SLIT3: variants seen among roughly 807,000 people sequenced by gnomAD.
The protein encoded by SLIT3 is slit guidance ligand 3.
In SLIT3, 68 loss-of-function variants were observed where a neutral mutation model predicts 184.0. That is an observed-to-expected ratio of 0.37 (90% CI 0.30 to 0.45). SLIT3 has a LOEUF of 0.45. SLIT3 is among the 20% of genes least tolerant of loss of function. SLIT3 has a pLI of 1.00. For synonymous variants in SLIT3, 831 were observed against 828.6 expected, an observed-to-expected ratio of 1.00 and a Z score of -0.05; for missense variants, 1,707 against 2,026.0, an observed-to-expected ratio of 0.84 and a Z score of 3.02.
chr5:169,009,079 C>G (rs977386955), intron 4 of SLIT3, among the ~76,000 whole-genome samples: 1 of 143,194 alleles, frequency 7.0e-6, no homozygotes, highest in African/African-American at 2.7e-5. Flanking sequence ...CAATATGAGC[C>G]AAAATTACAA....
rs200002167 is a variant in SLIT3, at chr5:169,224,961, G to A, written c.341+19744C>T. Among the ~76,000 whole-genome samples the A allele has an allele frequency of 9.2e-5, 14 of 152,284 alleles. No homozygotes were observed. In the East Asian group the frequency reaches 9.7e-4, roughly 11 times the overall value. On this transcript the variant is annotated intron_variant, in intron 3 of 35. Transcript: ENST00000519560. ...GGCCTCCCGAAGTGCTGGGATTGCA[G>A]GAATGAGCCCCCACGTTTGGCCCAT...
chr5:169,084,465 T>G (rs1581391951), intron 4 of SLIT3, among the ~76,000 whole-genome samples: 1 of 148,738 alleles, frequency 6.7e-6, no homozygotes, highest in Admixed American at 6.7e-5. Flanking sequence ...TTTTTTTTTT[T>G]TTTTTTTTTT....
intron 4 of SLIT3, among the ~76,000 whole-genome samples, chr5:168,903,888 A>C (rs1473611872): frequency 6.6e-6 from 1 of 152,234 alleles, no homozygotes. Flanking sequence ...TGATGTACAG[A>C]AATCATCACA....
chr5:168,844,528 C>T, intron 6 of SLIT3, 56 bp downstream of exon 6: 1 of 1,499,496 alleles, frequency 6.7e-7, no homozygotes, highest in Non-Finnish European at 9.3e-7. Context: ...CACAGACACA[C>T]ACACATACAC....
rs1758929772 is a variant in SLIT3, at chr5:169,079,814, A to ACAGGAGG, written c.413+113664_413+113665insCCTCCTG. On this transcript the variant is annotated intron_variant, in intron 4 of 35. Transcript: ENST00000519560. ...GAGGAGGGAGGAAGAGGGAAGGGGA[A>ACAGGAGG]GAGGAGGAGGGAGGAGGAGGAGGGA... Among the ~76,000 whole-genome samples, 2 of 4,348 alleles carry ACAGGAGG rather than the reference A, an allele frequency of 4.6e-4. 1 individual carries two copies. The highest frequency in any genetic ancestry group is 7.5e-3 in the Admixed American group (2 of 266). The allele number at this position is 4,348 out of a possible 152,430, so 2.9% of individuals were successfully genotyped here. A position where few individuals can be genotyped will look rare whatever the true frequency, so the allele number is the denominator to read the frequency against.
At chr5:169,138,519 T>G (rs1274834704) in intron 4 of SLIT3, among the ~76,000 whole-genome samples, 1 of 152,158 alleles carries the variant, frequency 6.6e-6, no homozygotes, top group Non-Finnish European at 1.5e-5. Context: ...GAATCCCTGG[T>G]TCAGGTTCTG....
At chr5:168,994,401 G>A (rs1755438613) in intron 4 of SLIT3, among the ~76,000 whole-genome samples, 1 of 151,838 alleles carries the variant, frequency 6.6e-6, no homozygotes, top group Non-Finnish European at 1.5e-5. Context: ...TTCCTACCTG[G>A]AACTTGCTCA....
chr5:168,800,139 G>A (rs1338667907), intron 9 of SLIT3, among the ~76,000 whole-genome samples: 1 of 152,202 alleles, frequency 6.6e-6, no homozygotes, highest in East Asian at 1.9e-4. Flanking sequence ...AGACAACTTA[G>A]ACCCCAAAGG....
chr5:168,965,211 G>C (rs1185575209), intron 4 of SLIT3, among the ~76,000 whole-genome samples: 3 of 152,168 alleles, frequency 2.0e-5, no homozygotes, highest in Non-Finnish European at 4.4e-5. Context: ...AAACTCCTAT[G>C]ATTATAAATA....
At chr5:169,121,808 T>G (rs1028861043) in intron 4 of SLIT3, among the ~76,000 whole-genome samples, 1 of 152,196 alleles carries the variant, frequency 6.6e-6, no homozygotes, top group African/African-American at 2.4e-5. Flanking sequence ...GGAAGGGCCC[T>G]GGCCATGACC....
chr5:169,073,600 G>A (rs1307947976), intron 4 of SLIT3, among the ~76,000 whole-genome samples: 6 of 151,976 alleles, frequency 3.9e-5, no homozygotes, highest in Non-Finnish European at 8.8e-5. Context: ...AGTGGGAGGC[G>A]TTTGGGTCAT....
intron 29 of SLIT3, among the ~76,000 whole-genome samples, chr5:168,689,270 A>T (rs777657458): frequency 6.6e-6 from 1 of 152,246 alleles, no homozygotes; most frequent in Non-Finnish European, 1.5e-5. Flanking sequence ...AAAGAGAGGC[A>T]GCTGGTGCTG....
intron 4 of SLIT3, among the ~76,000 whole-genome samples, chr5:168,935,102 C>T (rs1315286622): frequency 6.9e-6 from 1 of 144,714 alleles, no homozygotes; most frequent in Non-Finnish European, 1.5e-5. Context: ...CGCACCACTG[C>T]ACTCCAGCCT....
chr5:169,141,217 A>G (rs1205827006), intron 4 of SLIT3, among the ~76,000 whole-genome samples: 2 of 152,180 alleles, frequency 1.3e-5, no homozygotes, highest in Non-Finnish European at 2.9e-5. Flanking sequence ...CCCCCAAATC[A>G]TGGAACTATA....
intron 4 of SLIT3, among the ~76,000 whole-genome samples, chr5:169,105,273 G>A (rs1015721409): frequency 3.9e-5 from 6 of 152,128 alleles, no homozygotes; most frequent in East Asian, 1.9e-4. Context: ...TGGTTAAACC[G>A]CACATAAATT....
chr5:168,673,415 A>G (rs748392893), intron 32 of SLIT3, 84 bp from the exon 33 acceptor site: 318 of 1,227,272 alleles, frequency 2.6e-4, no homozygotes, highest in Non-Finnish European at 3.4e-4. Flanking sequence ...CTTGACCTGC[A>G]TTGCTTACAT....
At chr5:168,893,947 T>A (rs922185483) in intron 4 of SLIT3, among the ~76,000 whole-genome samples, 2 of 152,190 alleles carry the variant, frequency 1.3e-5, no homozygotes, top group Non-Finnish European at 2.9e-5. Flanking sequence ...AACATGTTTT[T>A]CTTAAATTTA....
chr5:168,759,429 C>T (rs548404254), intron 16 of SLIT3, among the ~76,000 whole-genome samples: 3 of 152,216 alleles, frequency 2.0e-5, no homozygotes, highest in Non-Finnish European at 2.9e-5. Flanking sequence ...ACTGCTCTCA[C>T]GCACATATGT....
chr5:169,239,680 T>C (rs1280278958), intron 3 of SLIT3, among the ~76,000 whole-genome samples: 1 of 152,052 alleles, frequency 6.6e-6, no homozygotes, highest in African/African-American at 2.4e-5. Context: ...TTGATATGTC[T>C]TGTCAGTGTC....
Sources: gnomAD v4.1 joint callset for allele counts (sites outside exome capture counted in the v4.1 genomes callset) on GRCh38, gnomAD v4.1.1 for gene constraint, MANE v1.5 for transcripts, NCBI Gene and HGNC (gene_info 2026-07-23, HGNC 2026-07-21) for gene names.